Variants in PWWP3B observed in about 807,000 individuals in gnomAD.
PWWP3B encodes PWWP domain containing 3B.
PWWP3B carries 5 observed loss-of-function variants against 15.7 expected under a neutral mutation model. The ratio of observed to expected loss-of-function variants is 0.32; its 90% CI spans 0.17 to 0.67. The LOEUF (loss-of-function observed/expected upper bound fraction) is 0.67. Ranked by LOEUF, PWWP3B falls within the 30% of genes least tolerant of loss-of-function variation. The pLI, the probability that PWWP3B is intolerant of heterozygous loss-of-function variation, is 0.74. For synonymous variants in PWWP3B, 203 were observed against 179.8 expected (o/e 1.13, Z -1.03); for missense variants, 519 against 493.1 (o/e 1.05, Z -0.50).
intron 2 of PWWP3B, among the ~76,000 whole-genome samples, chrX:106,189,807 C>A (rs1419184928): frequency 1.3e-4 from 14 of 109,187 alleles, no homozygotes; most frequent in African/African-American, 4.3e-4. Context: ...TTAGTAGAGA[C>A]GGGGTTTCAC....
rs150598692 is a variant in PWWP3B at position 106,183,869 on chromosome X, G to A, written c.-401+12730G>A. On this transcript the variant is annotated intron_variant, in intron 2 of 3. Coordinates refer to ENST00000357175, the MANE Select transcript of PWWP3B (RefSeq NM_001171020.2). The stretch of plus-strand genomic sequence containing the variant: ...CCTCAGTCCTGTTGTTGGATCATCT[G>A]TTTGGGGCTTCTGGCCCAGAGAACC... Among the ~76,000 whole-genome samples the A allele has an allele frequency of 7.0e-3, 785 of 112,588 alleles. 5 individuals are homozygous for A. Among genetic ancestry groups the A allele is most frequent in the Non-Finnish European group, 0.012 (649 of 53,265 alleles).
At chrX:106,178,278 G>C (rs1922004469) in intron 2 of PWWP3B, among the ~76,000 whole-genome samples, 1 of 112,101 alleles carries the variant, frequency 8.9e-6, no homozygotes. Context: ...TTATTTCTAT[G>C]AACAGTTTTA....
chrX:106,192,779 C>G (rs1278250427), intron 2 of PWWP3B, among the ~76,000 whole-genome samples: 1 of 110,865 alleles, frequency 9.0e-6, no homozygotes, highest in Non-Finnish European at 1.9e-5. Flanking sequence ...ATCTTTATTT[C>G]TGCCTTCATT....
chrX:106,183,581 G>A (rs1054010729), intron 2 of PWWP3B, among the ~76,000 whole-genome samples: 9 of 111,898 alleles, frequency 8.0e-5, no homozygotes, highest in African/African-American at 2.0e-4. Flanking sequence ...TAAGGGTGTG[G>A]GACTTTTAGG....
chrX:106,207,752 G>A lies in PWWP3B; in HGVS notation c.*229G>A, dbSNP rs1048532320. ...CATATTTCAGCAGTTCTACTTTCCC[G>A]TACATTTTTTAGAAAGCATAATTCC... On this transcript the variant is annotated 3_prime_UTR_variant, in exon 4 of 4. Coordinates refer to ENST00000357175, the MANE Select transcript of PWWP3B (RefSeq NM_001171020.2). 2.8e-5 allele frequency: 9 copies of A among 316,681 alleles called. No individual in the cohort carries two copies. Among genetic ancestry groups the A allele is most frequent in the African/African-American group, 1.9e-4 (7 of 36,925 alleles). 26.1% of individuals were successfully genotyped at this position (316,681 alleles called of 1,213,427 possible). A position where few individuals can be genotyped will look rare whatever the true frequency, so the allele number is the denominator to read the frequency against.
At chrX:106,185,327 A>G (rs1267795704) in intron 2 of PWWP3B, among the ~76,000 whole-genome samples, 2 of 111,301 alleles carry the variant, frequency 1.8e-5, no homozygotes, top group African/African-American at 3.3e-5. Context: ...AAAACTGCCC[A>G]TGGTTTTGGG....
intron 2 of PWWP3B, among the ~76,000 whole-genome samples, chrX:106,201,519 T>C (rs1048089233): frequency 1.8e-5 from 2 of 112,549 alleles, no homozygotes; most frequent in Admixed American, 1.9e-4. Flanking sequence ...CACCCTAAGG[T>C]TTTGAATAGA....
intron 2 of PWWP3B, among the ~76,000 whole-genome samples, chrX:106,189,714 T>A (rs1222261188): frequency 9.5e-6 from 1 of 104,940 alleles, no homozygotes; most frequent in Non-Finnish European, 1.9e-5. Context: ...GCCTCCCGGG[T>A]TCACGCCATT....
At chrX:106,192,979 G>T (rs755539779) in intron 2 of PWWP3B, among the ~76,000 whole-genome samples, 2 of 111,603 alleles carry the variant, frequency 1.8e-5, no homozygotes, top group East Asian at 5.7e-4. Flanking sequence ...GTCAATTTTG[G>T]AGTGGGTGTG....
intron 2 of PWWP3B, among the ~76,000 whole-genome samples, chrX:106,195,501 G>T (rs946793768): frequency 1.2e-4 from 13 of 111,221 alleles, no homozygotes; most frequent in African/African-American, 4.2e-4. Flanking sequence ...GAGTAATTTT[G>T]TATATCTTCT....
Position 106,207,637 on chromosome X carries a change from G to T in PWWP3B, c.*114G>T. On this transcript the variant is annotated 3_prime_UTR_variant, in exon 4 of 4. Transcript: ENST00000357175. ...CTGCAAATGGGAGCATGGATAATGT[G>T]TTCACTTTTTTTTGAGATCTCTAGG... 2 of 734,700 alleles carry T rather than the reference G, an allele frequency of 2.7e-6. No homozygotes were observed. The highest frequency in any genetic ancestry group is 1.9e-6 in the Non-Finnish European group (1 of 535,921). 60.5% of individuals were successfully genotyped at this position (734,700 alleles called of 1,213,427 possible).
intron 2 of PWWP3B, among the ~76,000 whole-genome samples, chrX:106,195,593 C>T (rs1923329040): frequency 8.9e-6 from 1 of 111,874 alleles, no homozygotes; most frequent in Non-Finnish European, 1.9e-5. Context: ...GCCATTTCTT[C>T]ATTTAATTAC....
In PWWP3B at chrX:106,200,278, A is replaced by C. The variant is rs775714374; in HGVS notation, c.-400-3707A>C. On this transcript the variant is annotated intron_variant, in intron 2 of 3. Coordinates refer to ENST00000357175, the MANE Select transcript of PWWP3B (RefSeq NM_001171020.2). Reference sequence around the variant, plus strand: ...GCTTAGAACAGAGAAACTTGCCCCTATTTGGCCACGTGATGCCTTACGTTG... The same window carrying C: ...GCTTAGAACAGAGAAACTTGCCCCTCTTTGGCCACGTGATGCCTTACGTTG... Among the ~76,000 whole-genome samples, 5 of 111,402 alleles carry C rather than the reference A, an allele frequency of 4.5e-5. No homozygotes were observed. In the South Asian group the frequency reaches 1.9e-3, roughly 42 times the overall value.
chrX:106,194,157 C>T (rs1393943234), intron 2 of PWWP3B, among the ~76,000 whole-genome samples: 2 of 111,832 alleles, frequency 1.8e-5, no homozygotes, highest in African/African-American at 6.5e-5. Flanking sequence ...GTTCCATTCT[C>T]CCCGTCACTT....
intron 2 of PWWP3B, among the ~76,000 whole-genome samples, chrX:106,196,616 C>G (rs1923389847): frequency 9.0e-6 from 1 of 111,361 alleles, no homozygotes; most frequent in East Asian, 2.8e-4. Context: ...AAATGTTGAA[C>G]CATCCATACA....
chrX:106,198,644 G>A (rs890111019), intron 2 of PWWP3B, among the ~76,000 whole-genome samples: 5 of 111,446 alleles, frequency 4.5e-5, no homozygotes, highest in Non-Finnish European at 5.6e-5. Flanking sequence ...TGCAGTATTA[G>A]CATTTGCTAT....
At chrX:106,191,851 TTGTG>T (rs929497637) in intron 2 of PWWP3B, among the ~76,000 whole-genome samples, 3 of 112,057 alleles carry the variant, frequency 2.7e-5, no homozygotes, top group African/African-American at 6.5e-5. Flanking sequence ...ATTTATTGAT[TTGTG>T]TATGTTGAAC....
intron 2 of PWWP3B, among the ~76,000 whole-genome samples, chrX:106,183,442 G>A (rs1222069285): frequency 1.8e-5 from 2 of 111,579 alleles, no homozygotes; most frequent in Admixed American, 9.5e-5. Context: ...TTGCCCTTCC[G>A]AATTGTCCTT....
At chrX:106,177,473 G>T (rs1191325825) in intron 2 of PWWP3B, 1 of 112,672 alleles carries the variant, frequency 8.9e-6, no homozygotes, top group Non-Finnish European at 1.9e-5. Context: ...AGGTGGGAAT[G>T]GAATGGTTTT....
Sources: gnomAD v4.1 joint callset for allele counts (sites outside exome capture counted in the v4.1 genomes callset) on GRCh38, gnomAD v4.1.1 for gene constraint, MANE v1.5 for transcripts, NCBI Gene and HGNC (gene_info 2026-07-23, HGNC 2026-07-21) for gene names.